Variants in IL23R observed in about 807,000 individuals in gnomAD.
IL23R encodes interleukin 23 receptor.
In IL23R, 34 loss-of-function variants were observed where a neutral mutation model predicts 56.9. The ratio of observed to expected loss-of-function variants is 0.60; its 90% CI spans 0.45 to 0.80. The LOEUF (loss-of-function observed/expected upper bound fraction) is 0.80. Ranked by LOEUF, IL23R falls within the 30% of genes least tolerant of loss-of-function variation. IL23R has a pLI of 0.00. For synonymous variants in IL23R, 230 were observed against 249.2 expected (o/e 0.92, Z 0.73); for missense variants, 635 against 730.0 (o/e 0.87, Z 1.50).
chr1:67,143,428 G>A (rs937766949), intron 1 of IL23R, among the ~76,000 whole-genome samples: 2 of 152,222 alleles, frequency 1.3e-5, no homozygotes, highest in Non-Finnish European at 2.9e-5. Flanking sequence ...GTGGTGAAGT[G>A]AAGCAAGGAA....
intron 4 of IL23R, among the ~76,000 whole-genome samples, chr1:67,188,976 C>A (rs1421708611): frequency 6.6e-6 from 1 of 151,928 alleles, no homozygotes; most frequent in Non-Finnish European, 1.5e-5. Context: ...TAAGGGAAAC[C>A]TGACCGATTT....
chr1:67,232,963 G>T (rs528866323), intron 7 of IL23R, among the ~76,000 whole-genome samples: 3 of 151,978 alleles, frequency 2.0e-5, no homozygotes, highest in Non-Finnish European at 4.4e-5. Context: ...TGTAAGACAT[G>T]CCTGTTTCCC....
At chr1:67,210,680 G>A (rs1396065310) in intron 6 of IL23R, among the ~76,000 whole-genome samples, 1 of 151,758 alleles carries the variant, frequency 6.6e-6, no homozygotes, top group Non-Finnish European at 1.5e-5. Context: ...TGCCCAGGCC[G>A]GTCTTGAACT....
chr1:67,218,326 ATGTGTGTGTGTGTG>A (rs3052947), intron 6 of IL23R, among the ~76,000 whole-genome samples: 2 of 124,816 alleles, frequency 1.6e-5, no homozygotes, highest in Admixed American at 7.8e-5. Flanking sequence ...ATATATGCAT[ATGTGTGTGTGTGTG>A]TGTGTGTGTG....
chr1:67,199,084 TC>T (rs1245122532), intron 4 of IL23R, among the ~76,000 whole-genome samples: 3 of 152,134 alleles, frequency 2.0e-5, no homozygotes, highest in Admixed American at 2.0e-4. Context: ...TGCTAGACAG[TC>T]CCAGAGACCC....
intron 1 of IL23R, among the ~76,000 whole-genome samples, chr1:67,167,696 C>A (rs776594343): frequency 8.6e-4 from 131 of 152,168 alleles, no homozygotes; most frequent in Non-Finnish European, 1.4e-3. Flanking sequence ...TGCACTCCAG[C>A]CTGGGCTACA....
chr1:67,151,725 T>C (rs1646729964), intron 1 of IL23R, among the ~76,000 whole-genome samples: 1 of 152,244 alleles, frequency 6.6e-6, no homozygotes, highest in Non-Finnish European at 1.5e-5. Flanking sequence ...CCCCATTGCT[T>C]ATTTTTGTCA....
intron 1 of IL23R, among the ~76,000 whole-genome samples, chr1:67,154,016 C>A (rs568752119): frequency 1.3e-5 from 2 of 152,212 alleles, no homozygotes; most frequent in Non-Finnish European, 2.9e-5. Context: ...GATCTGCCCG[C>A]TTCGTTCTCC....
chr1:67,148,394 T>A (rs1313624108), intron 1 of IL23R, among the ~76,000 whole-genome samples: 3 of 152,278 alleles, frequency 2.0e-5, no homozygotes, highest in African/African-American at 7.2e-5. Context: ...TTCCTGGGTT[T>A]ATATCCCAAT....
chr1:67,254,821 A>G (rs185164289), intron 9 of IL23R, among the ~76,000 whole-genome samples: 6 of 152,230 alleles, frequency 3.9e-5, no homozygotes, highest in African/African-American at 1.4e-4. Flanking sequence ...CAATGCAGAG[A>G]GTGTTTTTAA....
intron 1 of IL23R, among the ~76,000 whole-genome samples, chr1:67,154,355 G>T (rs1646753930): frequency 1.3e-5 from 2 of 152,074 alleles, no homozygotes; most frequent in Admixed American, 6.6e-5. Flanking sequence ...GTGACAGTGG[G>T]GTGTTAAAGT....
intron 7 of IL23R, among the ~76,000 whole-genome samples, chr1:67,229,230 T>G (rs1171621373): frequency 1.3e-5 from 2 of 152,226 alleles, no homozygotes; most frequent in Non-Finnish European, 2.9e-5. Context: ...TGATCTTTTT[T>G]TCAGATTTGA....
chr1:67,152,708 T>G (rs552611436), intron 1 of IL23R, among the ~76,000 whole-genome samples: 1 of 151,698 alleles, frequency 6.6e-6, no homozygotes, highest in South Asian at 2.1e-4. Flanking sequence ...GAGATAATCA[T>G]GTGGTTCTTT....
intron 6 of IL23R, among the ~76,000 whole-genome samples, chr1:67,212,991 A>G (rs2102649571): frequency 6.6e-6 from 1 of 152,066 alleles, no homozygotes; most frequent in East Asian, 1.9e-4. Flanking sequence ...CTCCTGACTC[A>G]GCCTCCCTAG....
At chr1:67,239,089 T>C (rs949191480) in intron 8 of IL23R, among the ~76,000 whole-genome samples, 5 of 152,146 alleles carry the variant, frequency 3.3e-5, no homozygotes, top group African/African-American at 1.2e-4. Flanking sequence ...AATTCCAATG[T>C]GATAAGTAAT....
At chr1:67,218,913 A>G (rs1650049547) in intron 6 of IL23R, among the ~76,000 whole-genome samples, 1 of 149,374 alleles carries the variant, frequency 6.7e-6, no homozygotes, top group Non-Finnish European at 1.5e-5. Context: ...TGGGCAACAG[A>G]GTGGGACCCT....
At position 67,240,364 on chromosome 1, in the gene IL23R, T is replaced by C. The variant is rs372529696; in HGVS notation, c.1148+83T>C. 1.2e-5 allele frequency: 10 copies of C among 829,684 alleles called. No individual in the cohort carries two copies. In the East Asian group the frequency reaches 1.3e-4, roughly 10 times the overall value. 51.4% of individuals were successfully genotyped at this position (829,684 alleles called of 1,614,324 possible). On this transcript the variant is annotated intron_variant, in intron 9 of 10. Transcript: ENST00000347310. ...AAATTTAGTCATTTCAGTTGTTTACTAGAAAAATCTGTTAACATTTTTATT... is the reference window on the plus strand; with the variant it reads ...AAATTTAGTCATTTCAGTTGTTTACCAGAAAAATCTGTTAACATTTTTATT...
At chr1:67,201,563 A>AC (rs1457996786) in intron 5 of IL23R, among the ~76,000 whole-genome samples, 6 of 151,716 alleles carry the variant, frequency 4.0e-5, no homozygotes, top group Non-Finnish European at 8.8e-5. Flanking sequence ...AAAAAAAAAA[A>AC]AACAAAAAAA....
chr1:67,188,714 T>C (rs1481079662), intron 4 of IL23R, among the ~76,000 whole-genome samples: 2 of 152,130 alleles, frequency 1.3e-5, no homozygotes, highest in Non-Finnish European at 2.9e-5. Flanking sequence ...TGTCAACAGA[T>C]TTTGAAGGTC....
Sources: allele counts gnomAD v4.1 joint callset (sites outside exome capture counted in the v4.1 genomes callset), GRCh38; gene constraint gnomAD v4.1.1; transcripts MANE v1.5; gene names NCBI Gene and HGNC (gene_info 2026-07-23, HGNC 2026-07-21).